PCCB: variants seen among roughly 807,000 people sequenced by gnomAD.
PCCB encodes propionyl-CoA carboxylase beta chain, mitochondrial.
Under a neutral mutation model 60.7 loss-of-function variants are expected in PCCB, and 43 were observed. The ratio of observed to expected loss-of-function variants is 0.71; its 90% CI spans 0.55 to 0.91. The LOEUF is 0.91. Ranked by LOEUF, PCCB falls within the 40% of genes least tolerant of loss-of-function variation. The probability of loss-of-function intolerance (pLI) is 0.00; values close to 1 mark genes in which losing one functional copy is unlikely to be tolerated. For missense variants in PCCB, 766 were observed against 702.8 expected, an observed-to-expected ratio of 1.09 and a Z score of -1.02; for synonymous variants, 276 against 255.9, an observed-to-expected ratio of 1.08 and a Z score of -0.75.
rs762933498 is a variant in PCCB, at chr3:136,255,870, C to T, written c.198C>T (p.Ala66=). 1 of 1,613,820 alleles carries T rather than the reference C, an allele frequency of 6.2e-7. No individual in the cohort carries two copies. Among genetic ancestry groups the T allele is most frequent in the South Asian group, 1.1e-5 (1 of 91,060 alleles). ...TTCCATTGTAGGGAAAGCTAACAGC[C>T]AGGGAGAGGATCAGTCTCTTGCTGG... ...DAQHKRGKLT[A]RERISLLLDP... The change falls in exon 2 of 15, where the codon GCC becomes GCT. Residue 66 remains alanine (A), a synonymous_variant. Transcript: ENST00000251654.
intron 10 of PCCB, among the ~76,000 whole-genome samples, chr3:136,323,488 T>G (rs1474098392): frequency 6.6e-6 from 1 of 152,080 alleles, no homozygotes; most frequent in Admixed American, 6.6e-5. Flanking sequence ...TTGAATATAT[T>G]TAAGACTAGT....
intron 5 of PCCB, among the ~76,000 whole-genome samples, chr3:136,269,457 A>G (rs759160375): frequency 3.3e-5 from 5 of 152,212 alleles, no homozygotes; most frequent in South Asian, 2.1e-4. Context: ...TGGATTTTCT[A>G]TATACACAAT....
chr3:136,292,225 TTG>T (rs1307208976), intron 6 of PCCB, among the ~76,000 whole-genome samples: 25 of 150,160 alleles, frequency 1.7e-4, no homozygotes, highest in Non-Finnish European at 3.4e-4. Flanking sequence ...ACCTGAAATT[TTG>T]TGTCTCTAGT....
At chr3:136,284,743 T>C (rs939129463) in intron 6 of PCCB, among the ~76,000 whole-genome samples, 2 of 152,154 alleles carry the variant, frequency 1.3e-5, no homozygotes, top group Non-Finnish European at 1.5e-5. Flanking sequence ...TTCTTAGTGA[T>C]ATACCGAAAG....
chr3:136,316,519 T>G (rs1934901739), intron 9 of PCCB, among the ~76,000 whole-genome samples: 1 of 152,124 alleles, frequency 6.6e-6, no homozygotes, highest in South Asian at 2.1e-4. Flanking sequence ...TTTCGCTACA[T>G]TGGCCAGGCT....
intron 1 of PCCB, among the ~76,000 whole-genome samples, chr3:136,252,663 T>TTA (rs1941550191): frequency 8.5e-6 from 1 of 117,582 alleles, no homozygotes; most frequent in Admixed American, 8.0e-5. Flanking sequence ...ACCCAGCTAA[T>TTA]TTTTTTTTTT....
intron 6 of PCCB, among the ~76,000 whole-genome samples, chr3:136,290,420 A>T (rs1017468708): frequency 1.3e-5 from 2 of 152,148 alleles, no homozygotes; most frequent in African/African-American, 4.8e-5. Flanking sequence ...TCTATAGGCA[A>T]AATGTTTTTT....
rs1180911288 is a variant in PCCB at position 136,303,923 on chromosome 3, A to T, written c.966+2812A>T. Among the ~76,000 whole-genome samples the T allele has an allele frequency of 2.5e-5, 3 of 121,830 alleles. 1 individual carries two copies. The highest frequency in any genetic ancestry group is 5.5e-5 in the Non-Finnish European group (3 of 54,590). 79.9% of individuals were successfully genotyped at this position (121,830 alleles called of 152,430 possible). A position where few individuals can be genotyped will look rare whatever the true frequency, so the allele number is the denominator to read the frequency against. On this transcript the variant is annotated intron_variant, in intron 9 of 14. Transcript: ENST00000251654. ...CTGGCCTGTATTTGCTTTATGTATT[A>T]GTGTTCTAGTGCTGCCATAAGAAAA...
rs191375566 is a variant in PCCB, at chr3:136,327,171, C to G, written c.1215C>G (p.Tyr405Ter). ...PGFLPGTAQEYGGIIRHGAKL... is the reference protein window; with the variant it reads ...PGFLPGTAQE ...CATGTCTAGGCACAGCACAGGAATA[C>G]GGGGGCATCATCCGGCATGGTGCCA... is the stretch of plus-strand genomic sequence containing the variant. Residue 405 changes from tyrosine to a stop codon, truncating the protein, a stop_gained, in exon 12 of 15, where the codon TAC (tyrosine) becomes TAG (stop). Transcript: ENST00000251654. LOFTEE classifies it high-confidence loss of function. 6.2e-7 allele frequency: 1 copy of G among 1,613,776 alleles called. No individual in the cohort carries two copies. Among genetic ancestry groups the G allele is most frequent in the African/African-American group, 1.3e-5 (1 of 75,018 alleles).
At chr3:136,327,100 G>A in intron 11 of PCCB, 55 bp from the exon 12 acceptor site, 1 of 1,507,056 alleles carries the variant, frequency 6.6e-7, no homozygotes, top group Non-Finnish European at 9.2e-7. Flanking sequence ...GCTGAGAGTG[G>A]CAGGATAACC....
At chr3:136,256,053 A>G (rs1185915435) in intron 2 of PCCB, 78 bp downstream of exon 2, 8 of 1,606,154 alleles carry the variant, frequency 5.0e-6, no homozygotes, top group African/African-American at 4.0e-5. Flanking sequence ...TAATAAATCT[A>G]TAAGGCTTTT....
At chr3:136,254,461 C>G (rs1163916908) in intron 1 of PCCB, among the ~76,000 whole-genome samples, 1 of 149,520 alleles carries the variant, frequency 6.7e-6, no homozygotes, top group Admixed American at 6.7e-5. Flanking sequence ...ACCTCATGAT[C>G]CGCCTGCCTT....
At chr3:136,322,114 C>T (rs191328433) in intron 10 of PCCB, among the ~76,000 whole-genome samples, 12 of 152,256 alleles carry the variant, frequency 7.9e-5, no homozygotes, top group Admixed American at 7.8e-4. Context: ...CATAGATGTT[C>T]TTTATAAAGT....
At chr3:136,294,510 C>T (rs1162357716) in intron 7 of PCCB, among the ~76,000 whole-genome samples, 1 of 151,880 alleles carries the variant, frequency 6.6e-6, no homozygotes, top group East Asian at 1.9e-4. Context: ...GGGGTTTTAC[C>T]ATGTTGCCAG....
At chr3:136,259,099 A>G in intron 3 of PCCB, 1 of 1,368,828 alleles carries the variant, frequency 7.3e-7, no homozygotes. Context: ...TTTACATCTG[A>G]ACATAATGAA....
intron 9 of PCCB, among the ~76,000 whole-genome samples, chr3:136,309,209 G>C (rs1311731653): frequency 2.0e-5 from 3 of 147,150 alleles, no homozygotes; most frequent in African/African-American, 7.6e-5. Flanking sequence ...GTTGCAGTGA[G>C]CCCAGATCGT....
chr3:136,282,168 C>T (rs1032270495), intron 5 of PCCB, among the ~76,000 whole-genome samples: 7 of 152,152 alleles, frequency 4.6e-5, no homozygotes, highest in Non-Finnish European at 1.0e-4. Context: ...GGAACATCCT[C>T]GTGGCTACCT....
chr3:136,262,144 A>G lies in PCCB; in HGVS notation c.543+79A>G, dbSNP rs146015340. 4.4e-4 allele frequency: 385 copies of G among 882,444 alleles called. No individual in the cohort carries two copies. In the African/African-American group the frequency reaches 4.8e-3, roughly 11 times the overall value. 54.7% of individuals were successfully genotyped at this position (882,444 alleles called of 1,614,324 possible). Reference sequence around the variant, plus strand: ...CCATGGCCTGGCCAGAGCTTCTCCAACTCTCCTCATTGTTCTCTGCCGCAT... The same window carrying G: ...CCATGGCCTGGCCAGAGCTTCTCCAGCTCTCCTCATTGTTCTCTGCCGCAT... On this transcript the variant is annotated intron_variant, in intron 5 of 14. Coordinates refer to ENST00000251654, the MANE Select transcript of PCCB (RefSeq NM_000532.5).
At chr3:136,286,892 G>A (rs1014076572) in intron 6 of PCCB, among the ~76,000 whole-genome samples, 4 of 151,938 alleles carry the variant, frequency 2.6e-5, no homozygotes, top group Non-Finnish European at 5.9e-5. Context: ...TTAGCCAAGC[G>A]TGGTGGTACG....
Sources: gnomAD v4.1 joint callset for allele counts (sites outside exome capture counted in the v4.1 genomes callset) on GRCh38, gnomAD v4.1.1 for gene constraint, MANE v1.5 for transcripts, NCBI Gene and HGNC (gene_info 2026-07-23, HGNC 2026-07-21) for gene names.